The following CEP120 variants were observed in gnomAD, a reference collection of about 807,000 sequenced individuals.
The protein encoded by CEP120 is centrosomal protein 120, also known as centrosomal protein of 120 kDa.
A neutral mutation model predicts 126.5 loss-of-function variants in CEP120; 113 were observed. The observed-to-expected ratio is 0.89, with a 90% CI of 0.77 to 1.04. CEP120 has a LOEUF of 1.04. Ranked by LOEUF, CEP120 falls within the 50% of genes least tolerant of loss-of-function variation. The pLI, the probability that CEP120 is intolerant of heterozygous loss-of-function variation, is 0.00. For synonymous variants in CEP120, 400 were observed against 394.3 expected, an observed-to-expected ratio of 1.01 and a Z score of -0.17; for missense variants, 1,230 against 1,155.7, an observed-to-expected ratio of 1.06 and a Z score of -0.93.
chr5:123,354,078 C>T (rs577602538), intron 18 of CEP120, among the ~76,000 whole-genome samples: 1 of 152,260 alleles, frequency 6.6e-6, no homozygotes, highest in South Asian at 2.1e-4. Context: ...CTAAGCACAG[C>T]TTTCACTAAA....
rs748687602 is a variant in CEP120 at position 123,390,009 on chromosome 5, G to A, written c.1170C>T (p.Asn390=). ...CATCATCTTTTGTTGGAGGTGACTGGTTGTGAGATGGAACAGGGGACACTG... is the reference window on the plus strand; with the variant it reads ...CATCATCTTTTGTTGGAGGTGACTGATTGTGAGATGGAACAGGGGACACTG... ...SPTVSPVPSH[N]QSPPTKDDAT... is the part of the protein sequence containing the mutation. The change falls in exon 8 of 20, where the codon AAC becomes AAT. Residue 390 remains asparagine, a synonymous_variant. Coordinates refer to ENST00000306467, the MANE Select transcript of CEP120 (RefSeq NM_001375405.1). 9 of 1,613,964 alleles carry A rather than the reference G, an allele frequency of 5.6e-6. No homozygotes were observed. Among genetic ancestry groups the A allele is most frequent in the African/African-American group, 4.0e-5 (3 of 74,904 alleles).
At chr5:123,362,500 T>C (rs1770160851) in intron 18 of CEP120, among the ~76,000 whole-genome samples, 2 of 151,770 alleles carry the variant, frequency 1.3e-5, no homozygotes, top group Non-Finnish European at 3.0e-5. Context: ...GGTGCAAAAG[T>C]AACTGCGGTT....
rs1772540311 is a variant in CEP120, at chr5:123,393,484, G to A, written c.626C>T (p.Thr209Ile). 3.1e-6 allele frequency: 5 copies of A among 1,613,352 alleles called. No individual in the cohort carries two copies. The highest frequency in any genetic ancestry group is 4.5e-5 in the East Asian group (2 of 44,864). The part of the protein sequence containing the change: ...ATQLEQLIPC[T>I]MKLPERQPEF... ...AGGCTGTCTTTCTGGAAGTTTCATG[G>A]TACATGGAATTAACTAAACATTTCA... Residue 209 changes from threonine (T) to isoleucine (I), a missense_variant, in exon 6 of 20, where the codon ACC becomes ATC. Transcript: ENST00000306467.
intron 16 of CEP120, among the ~76,000 whole-genome samples, chr5:123,373,668 C>T (rs73799289): frequency 0.036 from 5,536 of 152,148 alleles, 330 homozygotes; most frequent in African/African-American, 0.13. Flanking sequence ...TCTCTCTTTA[C>T]AGATGTGATT....
chr5:123,365,794 T>C (rs1031065905), intron 17 of CEP120, among the ~76,000 whole-genome samples: 1 of 151,588 alleles, frequency 6.6e-6, no homozygotes, highest in Middle Eastern at 3.4e-3. Flanking sequence ...TTTTTATCAC[T>C]GTGGGATAAG....
chr5:123,358,093 T>G (rs1173911743), intron 18 of CEP120, among the ~76,000 whole-genome samples: 1 of 152,106 alleles, frequency 6.6e-6, no homozygotes, highest in East Asian at 1.9e-4. Context: ...TGGATAAAAT[T>G]GTGCAATATT....
chr5:123,382,223 G>A (rs1472036356), intron 13 of CEP120, 23 bp from the exon 14 acceptor site: 1 of 1,550,096 alleles, frequency 6.5e-7, no homozygotes, highest in Non-Finnish European at 8.8e-7. Flanking sequence ...GAAAAATAAA[G>A]TCGCCAAAAA....
In CEP120 at chr5:123,386,499, C is replaced by T; in HGVS notation, c.1580+19G>A. 5 of 1,484,676 alleles carry T rather than the reference C, an allele frequency of 3.4e-6. No homozygotes were observed. Among genetic ancestry groups the T allele is most frequent in the Non-Finnish European group, 4.5e-6 (5 of 1,117,078 alleles). The allele number at this position is 1,484,676 out of a possible 1,614,324, so 92.0% of individuals were successfully genotyped here. On this transcript the variant is annotated intron_variant, in intron 10 of 19. Transcript: ENST00000306467. Reference sequence around the variant, plus strand: ...TTGACTTAAATTAATTAATATCATACATACACTGTATGCATTACCTTAAGA... The same window carrying T: ...TTGACTTAAATTAATTAATATCATATATACACTGTATGCATTACCTTAAGA...
rs763609517 is a variant in CEP120 at position 123,346,602 on chromosome 5, C to T, written c.2878G>A (p.Val960Met). 4 of 1,614,016 alleles carry T rather than the reference C, an allele frequency of 2.5e-6. No homozygotes were observed. The highest frequency in any genetic ancestry group is 1.3e-5 in the African/African-American group (1 of 75,048). The change falls in exon 20 of 20, where the codon GTG becomes ATG. Residue 960 changes from valine (V) to methionine (M), a missense_variant. By Grantham distance (21) the Val-to-Met change is conservative. Coordinates refer to ENST00000306467, the MANE Select transcript of CEP120 (RefSeq NM_001375405.1). ...EERDTLMRTG[V>M]YNHEDRIISE... ...ATTATTCGATCCTCGTGATTATACA[C>T]ACCCGTTCTCATCAAAGTATCCCTT...
chr5:123,412,980 G>C (rs569388815), intron 3 of CEP120, among the ~76,000 whole-genome samples: 1 of 152,066 alleles, frequency 6.6e-6, no homozygotes, highest in Non-Finnish European at 1.5e-5. Flanking sequence ...AATAAGCATA[G>C]GAAAATCTTG....
In CEP120 at chr5:123,422,465, A is replaced by C. The variant is rs765193160; in HGVS notation, c.49+485T>G. 108 of 1,517,812 alleles carry C rather than the reference A, an allele frequency of 7.1e-5. 1 individual carries two copies. The highest frequency in any genetic ancestry group is 8.3e-5 in the Non-Finnish European group (94 of 1,130,736). The allele number at this position is 1,517,812 out of a possible 1,614,324, so 94.0% of individuals were successfully genotyped here. A position where few individuals can be genotyped will look rare whatever the true frequency, so the allele number is the denominator to read the frequency against. The stretch of plus-strand genomic sequence containing the variant: ...AACCAATGTCATTCATCCAAAACAC[A>C]CCTTTTAAGGAATGTATAATACACC... On this transcript the variant is annotated intron_variant, in intron 1 of 19. Transcript: ENST00000306467.
At chr5:123,390,347 C>A in intron 7 of CEP120, 2 of 638,134 alleles carry the variant, frequency 3.1e-6, no homozygotes, top group Non-Finnish European at 5.8e-6. Flanking sequence ...ATATCCAGAG[C>A]TGAATACCAA....
intron 6 of CEP120, among the ~76,000 whole-genome samples, chr5:123,392,852 A>C (rs1267780708): frequency 4.6e-5 from 7 of 152,146 alleles, no homozygotes; most frequent in African/African-American, 1.7e-4. Context: ...AATAGTTCAT[A>C]AAAAATATTC....
chr5:123,372,723 T>C lies in CEP120; in HGVS notation c.2408A>G (p.Gln803Arg), dbSNP rs1770933998. 6.2e-7 allele frequency: 1 copy of C among 1,609,282 alleles called. No homozygotes were observed. The highest frequency in any genetic ancestry group is 1.1e-5 in the South Asian group (1 of 90,280). ...TTTGTTGTTTTGCTGGTCCTTGAAC[T>C]GTTGGAACTCTTTTTCCAAAATCTT... ...KYKILEKEFQ[Q>R]FKDQQNNKPE... The change falls in exon 17 of 20, where the codon CAG becomes CGG. Residue 803 changes from glutamine (Q) to arginine (R), a missense_variant. Gln to Arg is a conservative substitution (Grantham distance 43, BLOSUM62 1). Coordinates refer to ENST00000306467, the MANE Select transcript of CEP120 (RefSeq NM_001375405.1).
At chr5:123,403,355 T>G in intron 4 of CEP120, 1 of 454,342 alleles carries the variant, frequency 2.2e-6, no homozygotes, top group East Asian at 7.0e-5. Context: ...CTGAAAATAT[T>G]TGTTGATAAG....
Position 123,390,082 on chromosome 5 carries a change from A to C in CEP120, c.1097T>G (p.Val366Gly), listed in dbSNP as rs1490756370. ...TGTCTTCTCCTTTATGGGGGTTAAA[A>C]CTTTCTTCTTTGAATGCTCTGGCTC... ...EHEPEHSKKK[V>G]LTPIKEKTLT... is the part of the protein sequence containing the mutation. Residue 366 changes from valine to glycine, a missense_variant, in exon 8 of 20, where the codon GTT becomes GGT. Physicochemically the swap from Val to Gly is moderately radical, Grantham distance 109. Coordinates refer to ENST00000306467, the MANE Select transcript of CEP120 (RefSeq NM_001375405.1). 2 of 1,614,008 alleles carry C rather than the reference A, an allele frequency of 1.2e-6. No homozygotes were observed. Among genetic ancestry groups the C allele is most frequent in the East Asian group, 2.2e-5 (1 of 44,866 alleles).
intron 2 of CEP120, among the ~76,000 whole-genome samples, chr5:123,416,633 C>G (rs1270818845): frequency 6.6e-6 from 1 of 151,918 alleles, no homozygotes; most frequent in Non-Finnish European, 1.5e-5. Context: ...ATTATATCTA[C>G]TAACCTCTAC....
rs938373355 is a variant in CEP120 at position 123,355,161 on chromosome 5, A to G, written c.2581-5072T>C. ...TAGTATTCCATGGTGTATATGCGCC[A>G]TATTTTCTTAATCCAGTCTATCGTT... On this transcript the variant is annotated intron_variant, in intron 18 of 19. Transcript: ENST00000306467. Among the ~76,000 whole-genome samples the G allele has an allele frequency of 4.6e-5, 7 of 152,262 alleles. No homozygotes were observed. In the East Asian group the frequency reaches 1.4e-3, roughly 29 times the overall value.
At chr5:123,405,227 G>T (rs1864046) in intron 4 of CEP120, among the ~76,000 whole-genome samples, 41,945 of 151,956 alleles carry the variant, frequency 0.28, 5,983 homozygotes, top group African/African-American at 0.3. Context: ...CGTGAACTGG[G>T]ATGAACTGCT....
Sources: allele counts gnomAD v4.1 joint callset (sites outside exome capture counted in the v4.1 genomes callset), GRCh38; gene constraint gnomAD v4.1.1; transcripts MANE v1.5; gene names NCBI Gene and HGNC (gene_info 2026-07-23, HGNC 2026-07-21).